Variants in EXD3 observed in about 807,000 individuals in gnomAD.
EXD3 encodes exonuclease mut-7 homolog.
A neutral mutation model predicts 98.0 loss-of-function variants in EXD3; 92 were observed. That is an observed-to-expected ratio of 0.94 (90% CI 0.79 to 1.12). EXD3 has a LOEUF of 1.12. Among genes scored for constraint, EXD3 ranks in the 50% most tolerant of loss-of-function variants. The pLI, the probability that EXD3 is intolerant of heterozygous loss-of-function variation, is 0.00. For synonymous variants in EXD3, 569 were observed against 526.0 expected, an observed-to-expected ratio of 1.08 and a Z score of -1.12; for missense variants, 1,222 against 1,191.6, an observed-to-expected ratio of 1.03 and a Z score of -0.38.
chr9:137,323,596 A>G lies in EXD3; in HGVS notation c.2184+129T>C, dbSNP rs532403035. Reference sequence around the variant, plus strand: ...CTCTGCCGACACCTCACCCTGGACCACGAGGGATGCTCTGCCGACACCCCA... The same window carrying G: ...CTCTGCCGACACCTCACCCTGGACCGCGAGGGATGCTCTGCCGACACCCCA... On this transcript the variant is annotated intron_variant, in intron 19 of 21. Transcript: ENST00000340951. The G allele has an allele frequency of 4.9e-5, 66 of 1,339,872 alleles. 2 individuals are homozygous for G. The South Asian group carries it at 8.6e-4, about 17-fold the overall frequency. The allele number at this position is 1,339,872 out of a possible 1,614,324, so 83.0% of individuals were successfully genotyped here. A position where few individuals can be genotyped will look rare whatever the true frequency, so the allele number is the denominator to read the frequency against.
intron 19 of EXD3, among the ~76,000 whole-genome samples, chr9:137,318,312 C>T (rs904354915): frequency 4.6e-5 from 7 of 152,228 alleles, no homozygotes; most frequent in African/African-American, 1.4e-4. Flanking sequence ...AGCTGGGCCC[C>T]GGCTGCCGGC....
chr9:137,352,712 C>T lies in EXD3; in HGVS notation c.945G>A (p.Thr315=), dbSNP rs748140536. ...QLLVSHSDPV[T]AAQCAMELLL... Reference sequence around the variant, plus strand: ...AGAGTTCCATGGCACACTGGGCGGCCGTGACTGGGTCACTGTGGGAGACCA... The same window carrying T: ...AGAGTTCCATGGCACACTGGGCGGCTGTGACTGGGTCACTGTGGGAGACCA... Residue 315 remains threonine (T), a synonymous_variant, in exon 11 of 22, where the codon ACG becomes ACA. Coordinates refer to ENST00000340951, the MANE Select transcript of EXD3 (RefSeq NM_017820.5). 9 of 1,568,574 alleles carry T rather than the reference C, an allele frequency of 5.7e-6. No homozygotes were observed. Among genetic ancestry groups the T allele is most frequent in the East Asian group, 2.4e-5 (1 of 42,226 alleles).
At chr9:137,357,346 C>T (rs1834845364) in intron 7 of EXD3, 1 of 152,174 alleles carries the variant, frequency 6.6e-6, no homozygotes, top group African/African-American at 2.4e-5. Context: ...CTTCCCTGCT[C>T]TCCCTTCTTC....
At position 137,328,463 on chromosome 9, in the gene EXD3, A is replaced by T. The variant is rs112032079; in HGVS notation, c.1999-4320T>A. On this transcript the variant is annotated intron_variant, in intron 17 of 21. Transcript: ENST00000340951. Reference sequence around the variant, plus strand: ...TGATGAGTAAAAACAACTAATATACACCTATATGATGAGTAAAAACAAAAG... The same window carrying T: ...TGATGAGTAAAAACAACTAATATACTCCTATATGATGAGTAAAAACAAAAG... 2.0e-3 allele frequency among the ~76,000 whole-genome samples: 230 copies of T among 112,714 alleles called. 35 individuals carry two copies. Among genetic ancestry groups the T allele is most frequent in the African/African-American group, 6.0e-3 (128 of 21,236 alleles). The allele number at this position is 112,714 out of a possible 152,430, so 73.9% of individuals were successfully genotyped here.
intron 1 of EXD3, among the ~76,000 whole-genome samples, chr9:137,415,307 C>T (rs966143876): frequency 2.0e-5 from 3 of 151,650 alleles, no homozygotes; most frequent in African/African-American, 4.8e-5. Context: ...GGGTTCAAAC[C>T]GTTTTCCTGC....
chr9:137,399,067 C>T (rs542138252), intron 1 of EXD3, among the ~76,000 whole-genome samples: 30 of 151,446 alleles, frequency 2.0e-4, no homozygotes, highest in Middle Eastern at 3.4e-3. Context: ...GTGGCACAGG[C>T]GCATCCACGT....
chr9:137,323,338 C>T, intron 19 of EXD3, among the ~76,000 whole-genome samples: 1 of 14,748 alleles, frequency 6.8e-5, no homozygotes. Flanking sequence ...CACCCCACCC[C>T]GGACCCACGA....
At chr9:137,366,165 G>A in intron 7 of EXD3, 1 of 701,312 alleles carries the variant, frequency 1.4e-6, no homozygotes, top group Admixed American at 2.0e-5. Context: ...AACTTTATTA[G>A]ATGAAAGAAC....
intron 7 of EXD3, chr9:137,365,879 A>G: frequency 2.6e-6 from 1 of 377,670 alleles, no homozygotes; most frequent in Non-Finnish European, 5.2e-6. Flanking sequence ...ATACATGCAC[A>G]CACACACACC....
In EXD3 at chr9:137,376,362, A is replaced by G. The variant is rs1835903395; in HGVS notation, c.121-2763T>C. On this transcript the variant is annotated intron_variant, in intron 3 of 21. Transcript: ENST00000340951. ...CTGTCTCAAAAAAAAAAAAAAAAAA[A>G]AAAAAAGAAATGCAATGATAGCCTT... 3.3e-5 allele frequency among the ~76,000 whole-genome samples: 5 copies of G among 151,106 alleles called. No homozygotes were observed. In the South Asian group the frequency reaches 8.4e-4, roughly 25 times the overall value.
Position 137,351,103 on chromosome 9 carries a change from G to C in EXD3, c.1429C>G (p.Pro477Ala). The change falls in exon 14 of 22, where the codon CCC (proline) becomes GCC (alanine). Residue 477 changes from proline to alanine, a missense_variant. Pro to Ala is a conservative substitution (Grantham distance 27). Coordinates refer to ENST00000340951, the MANE Select transcript of EXD3 (RefSeq NM_017820.5). Reference sequence around the variant, plus strand: ...TGCTTCTCCACATGGGCCAGGGCGGGGCAGGACGTGCCCAGTTTTTGCAGG... The same window carrying C: ...TGCTTCTCCACATGGGCCAGGGCGGCGCAGGACGTGCCCAGTTTTTGCAGG... ...GDLQKLGTSCPALAHVEKQIL... is the reference protein window; with the variant it reads ...GDLQKLGTSCAALAHVEKQIL... 6.3e-7 allele frequency: 1 copy of C among 1,584,554 alleles called. No homozygotes were observed. Among genetic ancestry groups the C allele is most frequent in the Non-Finnish European group, 8.6e-7 (1 of 1,166,286 alleles).
intron 20 of EXD3, among the ~76,000 whole-genome samples, chr9:137,308,634 C>CTT (rs572242584): frequency 1.8e-4 from 24 of 135,954 alleles, no homozygotes; most frequent in Middle Eastern, 3.9e-3. Flanking sequence ...TGGACTGACC[C>CTT]TTTTTTTTTT....
chr9:137,338,477 A>G (rs1344280951), intron 17 of EXD3, among the ~76,000 whole-genome samples: 1 of 152,146 alleles, frequency 6.6e-6, no homozygotes, highest in Non-Finnish European at 1.5e-5. Context: ...CCACTTGGAA[A>G]CAAACCCAAG....
chr9:137,307,345 GGCCCACGCTGA>G (rs1831099619), intron 21 of EXD3, 82 bp from the exon 22 acceptor site: 1 of 1,435,426 alleles, frequency 7.0e-7, no homozygotes, highest in East Asian at 2.5e-5. Context: ...TGCAGTTGGC[GGCCCACGCTGA>G]GCCCACGCTC....
intron 7 of EXD3, chr9:137,365,429 C>T (rs1019741933): frequency 2.0e-5 from 3 of 153,596 alleles, no homozygotes; most frequent in Non-Finnish European, 2.9e-5. Context: ...ACTCTCGGGG[C>T]ACCTTGACCA....
At chr9:137,422,209 G>C (rs1360187601) in intron 1 of EXD3, among the ~76,000 whole-genome samples, 1 of 151,910 alleles carries the variant, frequency 6.6e-6, no homozygotes, top group Non-Finnish European at 1.5e-5. Context: ...CCAGCAAGAG[G>C]GGACACTCTG....
Position 137,352,192 on chromosome 9 carries a change from C to T in EXD3, c.1047G>A (p.Glu349=), listed in dbSNP as rs369035220. ...RRFRLQGRAT[E]ADSRLEVKDM... Reference sequence around the variant, plus strand: ...CCTTCACCTCCAGCCTCGAGTCAGCCTCAGTCGCCCTGGGAGGAGCAGAGC... The same window carrying T: ...CCTTCACCTCCAGCCTCGAGTCAGCTTCAGTCGCCCTGGGAGGAGCAGAGC... The change falls in exon 12 of 22, where the codon GAG becomes GAA. Residue 349 remains glutamate, a synonymous_variant. Coordinates refer to ENST00000340951, the MANE Select transcript of EXD3 (RefSeq NM_017820.5). 8.2e-5 allele frequency: 132 copies of T among 1,612,554 alleles called. No homozygotes were observed. Among genetic ancestry groups the T allele is most frequent in the Non-Finnish European group, 1.1e-4 (126 of 1,179,728 alleles).
At chr9:137,363,778 G>C (rs1835099639) in intron 7 of EXD3, among the ~76,000 whole-genome samples, 1 of 152,058 alleles carries the variant, frequency 6.6e-6, no homozygotes, top group African/African-American at 2.4e-5. Flanking sequence ...TAAGTGTTCT[G>C]TTTTTGCTAG....
intron 5 of EXD3, among the ~76,000 whole-genome samples, chr9:137,370,791 CT>C (rs1158053438): frequency 0.02 from 2,578 of 129,972 alleles, 28 homozygotes; most frequent in Middle Eastern, 0.027. Context: ...CCAAGAGGGC[CT>C]TTTTTTTTTT....
Sources: gnomAD v4.1 joint callset for allele counts (sites outside exome capture counted in the v4.1 genomes callset) on GRCh38, gnomAD v4.1.1 for gene constraint, MANE v1.5 for transcripts, NCBI Gene and HGNC (gene_info 2026-07-23, HGNC 2026-07-21) for gene names.